The following MALRD1 variants were observed in gnomAD, a reference collection of about 807,000 sequenced individuals.
The protein encoded by MALRD1 is MAM and LDL receptor class A domain containing 1.
In MALRD1, 247 loss-of-function variants were observed where a neutral mutation model predicts 242.1. The observed-to-expected ratio is 1.02, with a 90% confidence interval of 0.92 to 1.13. The LOEUF (loss-of-function observed/expected upper bound fraction) is 1.13. Ranked by LOEUF, MALRD1 falls within the 50% of genes most tolerant of loss-of-function variation. MALRD1 has a pLI of 0.00. For synonymous variants in MALRD1, 995 were observed against 866.6 expected (o/e 1.15, Z -2.60); for missense variants, 2,989 against 2,533.1 (o/e 1.18, Z -3.86).
intron 4 of MALRD1, among the ~76,000 whole-genome samples, chr10:19,088,676 G>A (rs1399784656): frequency 3.8e-5 from 4 of 104,090 alleles, no homozygotes; most frequent in Admixed American, 1.0e-4. Context: ...ATGCTGGTGC[G>A]CTGCACCCAC....
At chr10:19,575,777 A>C (rs10827607) in intron 33 of MALRD1, among the ~76,000 whole-genome samples, 19,685 of 152,142 alleles carry the variant, frequency 0.13, 1,415 homozygotes, top group African/African-American at 0.18. Context: ...TAAATGTTGC[A>C]ACCTTTTCTT....
chr10:19,308,144 T>A (rs530492731), intron 21 of MALRD1, among the ~76,000 whole-genome samples: 5 of 151,656 alleles, frequency 3.3e-5, no homozygotes, highest in East Asian at 1.9e-4. Context: ...CTATTTTTTT[T>A]ATACTCATTA....
chr10:19,455,565 C>T (rs1483710046), intron 29 of MALRD1, among the ~76,000 whole-genome samples: 1 of 152,044 alleles, frequency 6.6e-6, no homozygotes, highest in African/African-American at 2.4e-5. Flanking sequence ...TCATAAAGTT[C>T]TTATGAGGAT....
At chr10:19,149,950 T>C (rs1588617199) in intron 11 of MALRD1, among the ~76,000 whole-genome samples, 1 of 152,294 alleles carries the variant, frequency 6.6e-6, no homozygotes, top group East Asian at 1.9e-4. Context: ...AGCATTTTGA[T>C]TCTGCCTTCT....
intron 32 of MALRD1, among the ~76,000 whole-genome samples, chr10:19,560,359 T>A (rs777970790): frequency 5.9e-5 from 9 of 152,052 alleles, no homozygotes; most frequent in Non-Finnish European, 1.0e-4. Flanking sequence ...TCCCAGCTAC[T>A]TGGGAGGCTG....
chr10:19,414,040 CA>C (rs1044155316), intron 28 of MALRD1, among the ~76,000 whole-genome samples: 4 of 148,838 alleles, frequency 2.7e-5, no homozygotes, highest in Non-Finnish European at 5.9e-5. Flanking sequence ...GATCAGTTTC[CA>C]AAAAACAAAA....
intron 36 of MALRD1, among the ~76,000 whole-genome samples, chr10:19,640,763 C>T (rs1840349392): frequency 6.6e-6 from 1 of 152,116 alleles, no homozygotes; most frequent in African/African-American, 2.4e-5. Flanking sequence ...CTCCTTTCCC[C>T]TTTCTACCCA....
Position 19,579,814 on chromosome 10 carries a change from T to G in MALRD1, c.5680+12111T>G, listed in dbSNP as rs1837017471. On this transcript the variant is annotated intron_variant, in intron 33 of 39. Coordinates refer to ENST00000454679, the MANE Select transcript of MALRD1 (RefSeq NM_001142308.3). ...TGGGAAATGTGTGCTGGAAGAAATG[T>G]GAACATTGAATTAAAAGAGGAATGT... Among the ~76,000 whole-genome samples, 4 of 152,244 alleles carry G rather than the reference T, an allele frequency of 2.6e-5. No homozygotes were observed. In the South Asian group the frequency reaches 8.3e-4, roughly 32 times the overall value.
chr10:19,336,757 TA>T, intron 24 of MALRD1, among the ~76,000 whole-genome samples: 1 of 152,092 alleles, frequency 6.6e-6, no homozygotes, highest in East Asian at 1.9e-4. Flanking sequence ...TGTTTTGCCT[TA>T]AAAAATTATA....
chr10:19,266,249 A>G (rs1350468487), intron 19 of MALRD1, among the ~76,000 whole-genome samples: 2 of 151,782 alleles, frequency 1.3e-5, no homozygotes, highest in Non-Finnish European at 2.9e-5. Flanking sequence ...TACTATTGCC[A>G]TTTAAAAAAT....
chr10:19,605,947 A>G (rs927763741), intron 34 of MALRD1, among the ~76,000 whole-genome samples: 8 of 152,082 alleles, frequency 5.3e-5, no homozygotes, highest in African/African-American at 1.9e-4. Context: ...TTTTTTGTGA[A>G]TTGATATTCT....
chr10:19,450,729 A>T (rs1383199101), intron 29 of MALRD1, among the ~76,000 whole-genome samples: 1 of 152,238 alleles, frequency 6.6e-6, no homozygotes, highest in East Asian at 1.9e-4. Flanking sequence ...AACAACAGAA[A>T]TTTTTTTCCC....
chr10:19,347,934 T>C lies in MALRD1; in HGVS notation c.4065T>C (p.Phe1355=). 3 of 1,550,358 alleles carry C rather than the reference T, an allele frequency of 1.9e-6. No homozygotes were observed. Among genetic ancestry groups the C allele is most frequent in the East Asian group, 2.4e-5 (1 of 40,898 alleles). The part of the protein sequence containing the change: ...TLGNSSGHYI[F]IKSLFPQQPM... Reference sequence around the variant, plus strand: ...GAAATTCATCTGGTCATTACATCTTTATAAAGAGTTTGTTTCCTCAGCAGC... The same window carrying C: ...GAAATTCATCTGGTCATTACATCTTCATAAAGAGTTTGTTTCCTCAGCAGC... Residue 1355 remains phenylalanine (F), a synonymous_variant, in exon 25 of 40, where the codon TTT becomes TTC. Coordinates refer to ENST00000454679, the MANE Select transcript of MALRD1 (RefSeq NM_001142308.3).
In MALRD1 at chr10:19,692,329, C is replaced by A; in HGVS notation, c.6185C>A (p.Pro2062His). Residue 2062 changes from proline (P) to histidine (H), a missense_variant, in exon 37 of 40, where the codon CCT becomes CAT. Pro to His is a moderately conservative substitution (Grantham distance 77). Coordinates refer to ENST00000454679, the MANE Select transcript of MALRD1 (RefSeq NM_001142308.3). ...AATCGATGCCATATCAAGTTTAATC[C>A]TCCTGCTACAGACTTCACATACGCT... The part of the protein sequence containing the change: ...KGNRCHIKFN[P>H]PATDFTYAQN... The A allele has an allele frequency of 6.5e-7, 1 of 1,535,224 alleles. No homozygotes were observed. Among genetic ancestry groups the A allele is most frequent in the Non-Finnish European group, 8.7e-7 (1 of 1,146,430 alleles).
intron 36 of MALRD1, among the ~76,000 whole-genome samples, chr10:19,656,166 CT>C (rs1841144838): frequency 6.6e-6 from 1 of 151,998 alleles, no homozygotes; most frequent in South Asian, 2.1e-4. Flanking sequence ...TTTTTCAGAA[CT>C]TATCAAAAAG....
At chr10:19,139,089 A>G (rs753609657) in intron 10 of MALRD1, among the ~76,000 whole-genome samples, 21 of 152,228 alleles carry the variant, frequency 1.4e-4, no homozygotes, top group African/African-American at 4.3e-4. Flanking sequence ...CATATTGCAT[A>G]CAGTATATAT....
chr10:19,663,599 G>A (rs1218030036), intron 36 of MALRD1, among the ~76,000 whole-genome samples: 1 of 152,018 alleles, frequency 6.6e-6, no homozygotes, highest in African/African-American at 2.4e-5. Flanking sequence ...TTGAGAAATT[G>A]GAGCATGATT....
At chr10:19,575,035 G>A (rs1180309881) in intron 33 of MALRD1, among the ~76,000 whole-genome samples, 1 of 152,192 alleles carries the variant, frequency 6.6e-6, no homozygotes, top group Non-Finnish European at 1.5e-5. Context: ...AGTGTCTACA[G>A]CTCTCAAGGA....
intron 24 of MALRD1, among the ~76,000 whole-genome samples, chr10:19,335,426 A>C (rs538179572): frequency 6.6e-6 from 1 of 152,140 alleles, no homozygotes; most frequent in East Asian, 1.9e-4. Context: ...TTTCCAGTCT[A>C]CTGGTCTTAA....
Sources: allele counts gnomAD v4.1 joint callset (sites outside exome capture counted in the v4.1 genomes callset), GRCh38; gene constraint gnomAD v4.1.1; transcripts MANE v1.5; gene names NCBI Gene and HGNC (gene_info 2026-07-23, HGNC 2026-07-21).